NOVA1: variants seen among roughly 807,000 people sequenced by gnomAD.
The protein encoded by NOVA1 is NOVA alternative splicing regulator 1.
A neutral mutation model predicts 38.0 loss-of-function variants in NOVA1; 7 were observed. That is an observed-to-expected ratio of 0.18 (90% confidence interval 0.10 to 0.35). The LOEUF (loss-of-function observed/expected upper bound fraction) is 0.35. NOVA1 is among the 10% of genes least tolerant of loss of function. The pLI is 1.00. For synonymous variants in NOVA1, 270 were observed against 232.5 expected (o/e 1.16, Z -1.47); for missense variants, 460 against 616.0 (o/e 0.75, Z 2.68).
chr14:26,453,253 G>T (rs929117776), intron 4 of NOVA1, among the ~76,000 whole-genome samples: 1 of 151,754 alleles, frequency 6.6e-6, no homozygotes, highest in Non-Finnish European at 1.5e-5. Flanking sequence ...TGCCACCCAG[G>T]CTGGAGTACA....
chr14:26,509,288 T>G (rs1043049372), intron 2 of NOVA1, among the ~76,000 whole-genome samples: 1 of 152,142 alleles, frequency 6.6e-6, no homozygotes, highest in African/African-American at 2.4e-5. Flanking sequence ...ATAATCACAG[T>G]TATATAGGAT....
chr14:26,487,578 G>A (rs955850664), intron 2 of NOVA1, among the ~76,000 whole-genome samples: 10 of 152,032 alleles, frequency 6.6e-5, no homozygotes, highest in African/African-American at 2.2e-4. Context: ...AGCAAACACA[G>A]AGAACAGTAA....
intron 2 of NOVA1, among the ~76,000 whole-genome samples, chr14:26,510,895 A>T (rs1888033237): frequency 6.6e-6 from 1 of 152,226 alleles, no homozygotes; most frequent in Non-Finnish European, 1.5e-5. Flanking sequence ...TATTCAAATA[A>T]TATTTCTCAT....
At chr14:26,538,321 G>A (rs1475325935) in intron 2 of NOVA1, among the ~76,000 whole-genome samples, 3 of 151,906 alleles carry the variant, frequency 2.0e-5, no homozygotes, top group Non-Finnish European at 4.4e-5. Context: ...AAACTGACAA[G>A]CCATCAAAAA....
intron 2 of NOVA1, 38 bp from the exon 3 acceptor site, chr14:26,480,181 A>G (rs1333815250): frequency 6.5e-7 from 1 of 1,547,352 alleles, no homozygotes; most frequent in Non-Finnish European, 8.7e-7. Flanking sequence ...AATATTCCAC[A>G]CTTTGCATTA....
At chr14:26,533,391 G>A (rs1889858779) in intron 2 of NOVA1, among the ~76,000 whole-genome samples, 1 of 152,076 alleles carries the variant, frequency 6.6e-6, no homozygotes, top group East Asian at 1.9e-4. Flanking sequence ...ATTGCCATCA[G>A]AATAATCTTT....
At chr14:26,472,474 T>A (rs1203741174) in intron 3 of NOVA1, 83 bp from the exon 4 acceptor site, 2 of 578,018 alleles carry the variant, frequency 3.5e-6, no homozygotes, top group Non-Finnish European at 5.4e-6. Flanking sequence ...TAAAATAAAA[T>A]GTAATATAAC....
intron 2 of NOVA1, among the ~76,000 whole-genome samples, chr14:26,522,771 G>T (rs1888990134): frequency 6.6e-6 from 1 of 152,028 alleles, no homozygotes; most frequent in Non-Finnish European, 1.5e-5. Context: ...GATACTACTG[G>T]TTCAATAACA....
In NOVA1 at chr14:26,512,597, T is replaced by A. The variant is rs547702198; in HGVS notation, c.281-32454A>T. The stretch of plus-strand genomic sequence containing the variant: ...TACAAAAAAGACACTAGTCAAACCA[T>A]CTCATTGCTTGAATATATTACCCAC... On this transcript the variant is annotated intron_variant, in intron 2 of 4. Coordinates refer to ENST00000539517, the MANE Select transcript of NOVA1 (RefSeq NM_002515.3). 9.2e-5 allele frequency among the ~76,000 whole-genome samples: 14 copies of A among 152,250 alleles called. No homozygotes were observed. In the East Asian group the frequency reaches 2.7e-3, roughly 29 times the overall value.
At chr14:26,531,083 G>T (rs1052893162) in intron 2 of NOVA1, among the ~76,000 whole-genome samples, 1 of 152,044 alleles carries the variant, frequency 6.6e-6, no homozygotes. Context: ...TTATTTGTTG[G>T]ATGGGTACAA....
intron 2 of NOVA1, among the ~76,000 whole-genome samples, chr14:26,489,940 A>G (rs1003258870): frequency 1.3e-5 from 2 of 152,188 alleles, no homozygotes; most frequent in African/African-American, 4.8e-5. Flanking sequence ...AATGTTGTAC[A>G]TATACTCTCA....
At chr14:26,486,150 T>C (rs1163679625) in intron 2 of NOVA1, among the ~76,000 whole-genome samples, 1 of 152,182 alleles carries the variant, frequency 6.6e-6, no homozygotes, top group Non-Finnish European at 1.5e-5. Flanking sequence ...TCAAGAAATA[T>C]CTTGCAATAT....
At chr14:26,459,112 A>C (rs1883440408) in intron 4 of NOVA1, among the ~76,000 whole-genome samples, 1 of 152,066 alleles carries the variant, frequency 6.6e-6, no homozygotes, top group African/African-American at 2.4e-5. Context: ...ACTCACCCAG[A>C]GCAATTTCCA....
At chr14:26,486,712 A>AAAAAAAAAAAAAAAAAC (rs1885931546) in intron 2 of NOVA1, among the ~76,000 whole-genome samples, 1 of 149,286 alleles carries the variant, frequency 6.7e-6, no homozygotes, top group Non-Finnish European at 1.5e-5. Context: ...AAAAAAAAAA[A>AAAAAAAAAAAAAAAAAC]AAAAAAAAAG....
chr14:26,548,145 A>G (rs887252157), intron 2 of NOVA1, among the ~76,000 whole-genome samples: 2 of 136,252 alleles, frequency 1.5e-5, no homozygotes, highest in African/African-American at 5.9e-5. Context: ...CTAAAACATT[A>G]TCACTCAGCA....
At chr14:26,583,693 T>C (rs184226312) in intron 2 of NOVA1, among the ~76,000 whole-genome samples, 6 of 151,650 alleles carry the variant, frequency 4.0e-5, no homozygotes, top group Admixed American at 3.3e-4. Context: ...TTAATTAAGA[T>C]TGATTCTTAT....
At chr14:26,581,727 G>A (rs563256560) in intron 2 of NOVA1, among the ~76,000 whole-genome samples, 1 of 152,028 alleles carries the variant, frequency 6.6e-6, no homozygotes, top group South Asian at 2.1e-4. Flanking sequence ...ATGGGCAAAT[G>A]TGGCAGTTTG....
intron 2 of NOVA1, among the ~76,000 whole-genome samples, chr14:26,578,062 C>G (rs1049837485): frequency 1.0e-4 from 15 of 150,678 alleles, no homozygotes; most frequent in Admixed American, 9.9e-4. Context: ...GTACCAGAAG[C>G]AAAATGAAAT....
chr14:26,453,310 C>T (rs1013577630), intron 4 of NOVA1, among the ~76,000 whole-genome samples: 18 of 152,066 alleles, frequency 1.2e-4, no homozygotes, highest in African/African-American at 3.6e-4. Flanking sequence ...TGGGCTGAAG[C>T]GATCCACCTG....
Sources: gnomAD v4.1 joint callset for allele counts (sites outside exome capture counted in the v4.1 genomes callset) on GRCh38, gnomAD v4.1.1 for gene constraint, MANE v1.5 for transcripts, NCBI Gene and HGNC (gene_info 2026-07-23, HGNC 2026-07-21) for gene names.